RNF216: variants seen among roughly 807,000 people sequenced by gnomAD.
RNF216 encodes the protein E3 ubiquitin-protein ligase RNF216.
In RNF216, 72 loss-of-function variants were observed where a neutral mutation model predicts 110.8. That is an observed-to-expected ratio of 0.65 (90% confidence interval 0.54 to 0.79). The LOEUF is 0.79. Among genes scored for constraint, RNF216 ranks in the 30% least tolerant of loss-of-function variants. The probability of loss-of-function intolerance (pLI) is 0.00; values close to 1 mark genes in which losing one functional copy is unlikely to be tolerated. For synonymous variants in RNF216, 495 were observed against 407.5 expected (o/e 1.21, Z -2.59); for missense variants, 1,342 against 1,141.2 (o/e 1.18, Z -2.54).
At chr7:5,647,544 G>C (rs915213637) in intron 14 of RNF216, among the ~76,000 whole-genome samples, 2 of 151,814 alleles carry the variant, frequency 1.3e-5, no homozygotes, top group Non-Finnish European at 2.9e-5. Context: ...TTGTTGCCCA[G>C]GCTGGTCTTC....
intron 13 of RNF216, among the ~76,000 whole-genome samples, chr7:5,708,092 G>A (rs967214162): frequency 6.6e-5 from 10 of 152,210 alleles, no homozygotes; most frequent in African/African-American, 2.4e-4. Flanking sequence ...GTATCGCCTT[G>A]TGGCTGGAAA....
chr7:5,662,637 C>G (rs1029108400), intron 13 of RNF216: 3 of 152,380 alleles, frequency 2.0e-5, no homozygotes, highest in African/African-American at 4.8e-5. Context: ...AGCCTTCCAT[C>G]AGTGCCGCTG....
rs372260373 is a variant in RNF216 at position 5,652,413 on chromosome 7, A to G, written c.2159T>C (p.Ile720Thr). ...AGCCCCTCTGAATTCTGTTACTCACATAGAGGTACGGTACTTGATGTCGTC... is the reference window on the plus strand; with the variant it reads ...AGCCCCTCTGAATTCTGTTACTCACGTAGAGGTACGGTACTTGATGTCGTC... ...EKDDIKYRTSIEEKMTAARIR... is the reference protein window; with the variant it reads ...EKDDIKYRTSTEEKMTAARIR... Residue 720 changes from isoleucine to threonine, a missense_variant and splice_region_variant, in exon 14 of 17, where the codon ATT becomes ACT. Transcript: ENST00000389902. The G allele has an allele frequency of 2.5e-6, 4 of 1,604,680 alleles. No homozygotes were observed. The highest frequency in any genetic ancestry group is 2.2e-5 in the East Asian group (1 of 44,830).
In RNF216 at chr7:5,627,476, G is replaced by A. The variant is rs558055875; in HGVS notation, c.2383-3351C>T. Among the ~76,000 whole-genome samples, 14 of 152,230 alleles carry A rather than the reference G, an allele frequency of 9.2e-5. No homozygotes were observed. The South Asian group carries it at 1.9e-3, about 20-fold the overall frequency. On this transcript the variant is annotated intron_variant, in intron 15 of 16. Transcript: ENST00000389902. ...TCATAGCATTAAAGACTAGACACTC[G>A]GTGGTTCACGCCTGTAACCCCAGCA...
intron 15 of RNF216, among the ~76,000 whole-genome samples, chr7:5,639,921 G>A (rs958966600): frequency 3.3e-5 from 5 of 151,884 alleles, no homozygotes; most frequent in Admixed American, 2.0e-4. Flanking sequence ...CACCACGCCC[G>A]GCTAATTTTT....
chr7:5,763,733 C>A (rs1013985808), intron 1 of RNF216, among the ~76,000 whole-genome samples: 7 of 152,090 alleles, frequency 4.6e-5, no homozygotes, highest in East Asian at 3.9e-4. Flanking sequence ...CCATGCCTAG[C>A]TGAATTTTTA....
At chr7:5,768,346 T>TACACACACACACACACACACACACAC (rs71004702) in intron 1 of RNF216, among the ~76,000 whole-genome samples, 1,142 of 71,906 alleles carry the variant, frequency 0.016, 120 homozygotes, top group Admixed American at 0.019. Flanking sequence ...GGCAGGCAAA[T>TACACACACACACACACACACACACAC]ACACACACAC....
In RNF216 at chr7:5,741,494, C is replaced by T; in HGVS notation, c.523G>A (p.Glu175Lys). Reference sequence around the variant, plus strand: ...TCTTCCAAGATGATGACTTTCTGCTCTGATCTGGGGTTGACAATGTCATTT... The same window carrying T: ...TCTTCCAAGATGATGACTTTCTGCTTTGATCTGGGGTTGACAATGTCATTT... ...AANDIVNPRS[E>K]QKVIILEEGS... The change falls in exon 4 of 17, where the codon GAG becomes AAG. Residue 175 changes from glutamate to lysine, a missense_variant. Physicochemically the swap from Glu to Lys is moderately conservative, Grantham distance 56 (BLOSUM62 1). Coordinates refer to ENST00000389902, the MANE Select transcript of RNF216 (RefSeq NM_207111.4). 6.2e-7 allele frequency: 1 copy of T among 1,614,178 alleles called. No individual in the cohort carries two copies. The highest frequency in any genetic ancestry group is 8.5e-7 in the Non-Finnish European group (1 of 1,180,034).
intron 2 of RNF216, among the ~76,000 whole-genome samples, chr7:5,759,524 T>C (rs182350077): frequency 1.2e-3 from 176 of 152,292 alleles, no homozygotes; most frequent in Middle Eastern, 6.8e-3. Flanking sequence ...GAATACAGTA[T>C]ACAAAACATA....
intron 13 of RNF216, among the ~76,000 whole-genome samples, chr7:5,686,148 AG>A (rs2128609354): frequency 6.6e-6 from 1 of 151,186 alleles, no homozygotes; most frequent in Non-Finnish European, 1.5e-5. Context: ...GCTTGAATCC[AG>A]AAGGCAGAGG....
chr7:5,692,336 A>G (rs1791386119), intron 13 of RNF216, among the ~76,000 whole-genome samples: 2 of 152,248 alleles, frequency 1.3e-5, no homozygotes, highest in Non-Finnish European at 2.9e-5. Context: ...TTATTTGCTG[A>G]TTTCACAACC....
chr7:5,697,154 G>A (rs1791680742), intron 13 of RNF216, among the ~76,000 whole-genome samples: 1 of 152,146 alleles, frequency 6.6e-6, no homozygotes, highest in African/African-American at 2.4e-5. Context: ...CTTTGCTCGT[G>A]TCATTCTCTG....
rs541918730 is a variant in RNF216, at chr7:5,751,959, G to C, written c.201+887C>G. ...TCTCAGCACTTTGGGAGGCTGAGGG[G>C]GGCGGATCACGAGGTCAGGAGTTCA... On this transcript the variant is annotated intron_variant, in intron 3 of 16. Transcript: ENST00000389902. Among the ~76,000 whole-genome samples the C allele has an allele frequency of 5.5e-3, 833 of 152,146 alleles. 5 individuals carry two copies. Among genetic ancestry groups the C allele is most frequent in the Non-Finnish European group, 8.5e-3 (576 of 67,994 alleles).
Position 5,624,520 on chromosome 7 carries a change from T to C in RNF216, c.2383-395A>G, listed in dbSNP as rs116804835. Among the ~76,000 whole-genome samples, 6,472 of 152,322 alleles carry C rather than the reference T, an allele frequency of 0.042. 187 individuals carry two copies. The highest frequency in any genetic ancestry group is 0.091 in the East Asian group (472 of 5,168). On this transcript the variant is annotated intron_variant, in intron 15 of 16. Transcript: ENST00000389902. The surrounding 1 kb of genome is among the most constrained non-coding windows in gnomAD (Gnocchi z 4.4). ...ATCCCAAGTCCACAAGCGCTCGGCA[T>C]GGCAGCCTGTCTGCAGAGCCTGGAA...
chr7:5,659,085 G>C (rs918928807), intron 13 of RNF216, among the ~76,000 whole-genome samples: 2 of 152,166 alleles, frequency 1.3e-5, no homozygotes, highest in African/African-American at 4.8e-5. Flanking sequence ...GGACACTAGC[G>C]AGATTGGTGG....
chr7:5,779,742 T>C (rs867187745), intron 1 of RNF216, among the ~76,000 whole-genome samples: 4 of 148,140 alleles, frequency 2.7e-5, no homozygotes, highest in Middle Eastern at 7.0e-3. Context: ...GGCAGGAGAA[T>C]TACTTGAAGC....
rs1019090616 is a variant in RNF216, at chr7:5,741,302, T to G, written c.715A>C (p.Asn239His). 2.5e-6 allele frequency: 4 copies of G among 1,613,926 alleles called. No individual in the cohort carries two copies. In the East Asian group the frequency reaches 8.9e-5, roughly 36 times the overall value. Reference sequence around the variant, plus strand: ...TTTGTTATTTCACGGGGCTGTTGGTTCAGAGACTGGAAGTAAGGATGATCT... The same window carrying G: ...TTTGTTATTTCACGGGGCTGTTGGTGCAGAGACTGGAAGTAAGGATGATCT... ...WLDHPYFQSL[N>H]QQPREITNQV... Residue 239 changes from asparagine to histidine, a missense_variant, in exon 4 of 17, where the codon AAC becomes CAC. Transcript: ENST00000389902.
chr7:5,728,000 CT>C (rs938416644), intron 7 of RNF216, among the ~76,000 whole-genome samples: 1 of 152,044 alleles, frequency 6.6e-6, no homozygotes, highest in African/African-American at 2.4e-5. Context: ...TCCATTCAAC[CT>C]CCCAATGAAT....
intron 15 of RNF216, among the ~76,000 whole-genome samples, chr7:5,635,829 GT>G (rs1253077689): frequency 6.6e-6 from 1 of 152,202 alleles, no homozygotes; most frequent in Non-Finnish European, 1.5e-5. Context: ...TCCACTGCTG[GT>G]TTGGAAAAAT....
Sources: allele counts gnomAD v4.1 joint callset (sites outside exome capture counted in the v4.1 genomes callset), GRCh38; gene constraint gnomAD v4.1.1; non-coding constraint Gnocchi (gnomAD v3.1); transcripts MANE v1.5; gene names NCBI Gene and HGNC (gene_info 2026-07-23, HGNC 2026-07-21).